USP13: variants seen among roughly 807,000 people sequenced by gnomAD.
USP13 encodes ubiquitin specific peptidase 13, also known as ubiquitin carboxyl-terminal hydrolase 13.
In USP13, 68 loss-of-function variants were observed where a neutral mutation model predicts 107.8. The ratio of observed to expected loss-of-function variants is 0.63; its 90% CI spans 0.52 to 0.77. The LOEUF is 0.77. Ranked by LOEUF, USP13 falls within the 30% of genes least tolerant of loss-of-function variation. The probability of loss-of-function intolerance (pLI) is 0.00; values close to 1 mark genes in which losing one functional copy is unlikely to be tolerated. For synonymous variants in USP13, 377 were observed against 389.5 expected (o/e 0.97, Z 0.38); for missense variants, 945 against 1,093.3 (o/e 0.86, Z 1.91).
chr3:179,695,760 T>C (rs962032792), intron 3 of USP13, among the ~76,000 whole-genome samples: 4 of 152,172 alleles, frequency 2.6e-5, no homozygotes, highest in Non-Finnish European at 5.9e-5. Flanking sequence ...AAATTTTCTG[T>C]GTGTACATCT....
chr3:179,723,443 T>C lies in USP13; in HGVS notation c.1088+1854T>C, dbSNP rs1277195283. Among the ~76,000 whole-genome samples, 7 of 151,986 alleles carry C rather than the reference T, an allele frequency of 4.6e-5. No individual in the cohort carries two copies. In the East Asian group the frequency reaches 1.4e-3, roughly 29 times the overall value. ...GCAGGAGATACAGGCATTAAGAAAA[T>C]AATCATAGTAACAACTGCATGCTTA... On this transcript the variant is annotated intron_variant, in intron 8 of 20. Transcript: ENST00000263966.
At chr3:179,695,633 T>C (rs1006617502) in intron 3 of USP13, among the ~76,000 whole-genome samples, 16 of 152,196 alleles carry the variant, frequency 1.1e-4, no homozygotes, top group African/African-American at 3.6e-4. Context: ...TTTTTCAATA[T>C]GTACCTCATG....
In USP13 at chr3:179,750,065, G is replaced by T. The variant is rs546016822; in HGVS notation, c.1710-2220G>T. Among the ~76,000 whole-genome samples, 357 of 152,038 alleles carry T rather than the reference G, an allele frequency of 2.3e-3. 3 individuals are homozygous for T. The highest frequency in any genetic ancestry group is 0.02 in the Middle Eastern group (6 of 294). On this transcript the variant is annotated intron_variant, in intron 13 of 20. Coordinates refer to ENST00000263966, the MANE Select transcript of USP13 (RefSeq NM_003940.3). ...GGATCACCTGAGGTTAGGAGTTTGAGACCAGCCTGGCCAACATGGTGAAAC... is the reference window on the plus strand; with the variant it reads ...GGATCACCTGAGGTTAGGAGTTTGATACCAGCCTGGCCAACATGGTGAAAC...
At chr3:179,750,326 GTATA>G (rs569602060) in intron 13 of USP13, among the ~76,000 whole-genome samples, 40 of 75,808 alleles carry the variant, frequency 5.3e-4, no homozygotes, top group Non-Finnish European at 8.7e-4. Flanking sequence ...ATATATGTGT[GTATA>G]TATATATATA....
At chr3:179,672,993 G>A (rs761469556) in intron 1 of USP13, among the ~76,000 whole-genome samples, 15 of 152,118 alleles carry the variant, frequency 9.9e-5, no homozygotes, top group Non-Finnish European at 1.9e-4. Context: ...TGCAGAGAAG[G>A]CAGCCACTTT....
chr3:179,728,788 G>C (rs13089033), intron 8 of USP13, among the ~76,000 whole-genome samples: 60,285 of 151,584 alleles, frequency 0.4, 14,567 homozygotes, highest in Non-Finnish European at 0.53. Context: ...GAGACCGGCC[G>C]GGCCAACACA....
intron 1 of USP13, among the ~76,000 whole-genome samples, chr3:179,656,149 A>G (rs1323112915): frequency 2.6e-5 from 4 of 152,260 alleles, no homozygotes; most frequent in Non-Finnish European, 4.4e-5. Flanking sequence ...GGGAAATTAT[A>G]TGTGCAAAGA....
chr3:179,689,764 A>G (rs904485978), intron 2 of USP13, among the ~76,000 whole-genome samples: 1 of 152,196 alleles, frequency 6.6e-6, no homozygotes, highest in Admixed American at 6.5e-5. Flanking sequence ...GAGATTTCAC[A>G]TGACCAGACT....
At chr3:179,737,578 ACAGGTAGTAAAATTAATTGT>A (rs1384837490) in intron 10 of USP13, among the ~76,000 whole-genome samples, 2 of 152,250 alleles carry the variant, frequency 1.3e-5, no homozygotes, top group Non-Finnish European at 2.9e-5. Flanking sequence ...AGGTGTATAT[ACAGGTAGTAAAATTAATTGT>A]CAGGTAGTAA....
intron 6 of USP13, among the ~76,000 whole-genome samples, chr3:179,718,212 T>C (rs1410916091): frequency 1.3e-5 from 2 of 152,112 alleles, no homozygotes; most frequent in South Asian, 2.1e-4. Flanking sequence ...AGGGCTTAGG[T>C]TGGTTCTTCA....
Position 179,653,697 on chromosome 3 carries a change from C to CGAA in USP13, c.168+305_168+307dup. Reference sequence around the variant, plus strand: ...GATGAAATACAAGAGTTCCCTGTTCCGAACTGCACGTTGCAGATCGTTTGC... The same window carrying CGAA: ...GATGAAATACAAGAGTTCCCTGTTCCGAAGAACTGCACGTTGCAGATCGTTTGC... On this transcript the variant is annotated intron_variant, in intron 1 of 20. Coordinates refer to ENST00000263966, the MANE Select transcript of USP13 (RefSeq NM_003940.3). The surrounding 1 kb of genome is among the most constrained non-coding windows in gnomAD (Gnocchi z 4.0). The CGAA allele has an allele frequency of 3.1e-6, 1 of 323,944 alleles. No individual in the cohort carries two copies. Among genetic ancestry groups the CGAA allele is most frequent in the Non-Finnish European group, 5.8e-6 (1 of 173,440 alleles). The allele number at this position is 323,944 out of a possible 1,614,324, so 20.1% of individuals were successfully genotyped here.
At chr3:179,692,535 C>T (rs1290847684) in intron 3 of USP13, among the ~76,000 whole-genome samples, 2 of 152,134 alleles carry the variant, frequency 1.3e-5, no homozygotes, top group Non-Finnish European at 2.9e-5. Flanking sequence ...AGCATGAACC[C>T]CAAAGCTGAA....
At chr3:179,674,185 G>A (rs1325341434) in intron 1 of USP13, among the ~76,000 whole-genome samples, 2 of 152,140 alleles carry the variant, frequency 1.3e-5, no homozygotes, top group South Asian at 2.1e-4. Context: ...GAGCCACTGC[G>A]CCCGGCCTGT....
At chr3:179,685,587 G>A (rs1711839742) in intron 2 of USP13, among the ~76,000 whole-genome samples, 1 of 150,344 alleles carries the variant, frequency 6.7e-6, no homozygotes, top group Non-Finnish European at 1.5e-5. Flanking sequence ...TTCTTGTGAA[G>A]TCTGTTTTGT....
chr3:179,727,798 A>ACC lies in USP13; in HGVS notation c.1089-2382_1089-2381dup, dbSNP rs547029553. Among the ~76,000 whole-genome samples the ACC allele has an allele frequency of 3.1e-4, 10 of 32,678 alleles. 1 individual carries two copies. Among genetic ancestry groups the ACC allele is most frequent in the African/African-American group, 6.7e-4 (8 of 11,958 alleles). The allele number at this position is 32,678 out of a possible 152,430, so 21.4% of individuals were successfully genotyped here. On this transcript the variant is annotated intron_variant, in intron 8 of 20. Coordinates refer to ENST00000263966, the MANE Select transcript of USP13 (RefSeq NM_003940.3). ...GGGCGGCTGGCTGGGCAGGGGGCTG[A>ACC]CCCCCCCCCCACCTCCCTCCCGGAC...
intron 1 of USP13, among the ~76,000 whole-genome samples, chr3:179,655,772 C>T (rs902785207): frequency 1.3e-5 from 2 of 151,990 alleles, no homozygotes; most frequent in Admixed American, 6.6e-5. Context: ...AGGCTGCTCT[C>T]GAACTCCTGA....
At position 179,694,799 on chromosome 3, in the gene USP13, C is replaced by CAAAGAAAAA. The variant is rs1327789835; in HGVS notation, c.355+4501_355+4502insGAAAAAAAA. On this transcript the variant is annotated intron_variant, in intron 3 of 20. Coordinates refer to ENST00000263966, the MANE Select transcript of USP13 (RefSeq NM_003940.3). ...CTGGGCAAAGAGTGAAACTCCATCT[C>CAAAGAAAAA]AAAAAAAAAAAAAAAAAAAAAAAAG... 5.1e-4 allele frequency among the ~76,000 whole-genome samples: 42 copies of CAAAGAAAAA among 81,780 alleles called. 1 individual carries two copies. Among genetic ancestry groups the CAAAGAAAAA allele is most frequent in the Non-Finnish European group, 7.0e-4 (28 of 40,180 alleles). The allele number at this position is 81,780 out of a possible 152,430, so 53.7% of individuals were successfully genotyped here. A position where few individuals can be genotyped will look rare whatever the true frequency, so the allele number is the denominator to read the frequency against.
intron 8 of USP13, among the ~76,000 whole-genome samples, chr3:179,728,376 A>T (rs1435800608): frequency 1.4e-5 from 2 of 142,806 alleles, no homozygotes; most frequent in Non-Finnish European, 3.1e-5. Flanking sequence ...CCCACATCTC[A>T]GACGATGGGC....
rs1715930424 is a variant in USP13, at chr3:179,786,973, A to G, written c.*2832A>G. On this transcript the variant is annotated 3_prime_UTR_variant, in exon 21 of 21. Transcript: ENST00000263966. ...GTTTTTATTTTGCCAATTGATCTAA[A>G]TGCCCATATAACTAATCAGAAATCC... 1 of 152,238 alleles carries G rather than the reference A, an allele frequency of 6.6e-6. No individual in the cohort carries two copies. The highest frequency in any genetic ancestry group is 1.5e-5 in the Non-Finnish European group (1 of 68,040). The allele number at this position is 152,238 out of a possible 1,614,324, so 9.4% of individuals were successfully genotyped here.
Sources: gnomAD v4.1 joint callset for allele counts (sites outside exome capture counted in the v4.1 genomes callset) on GRCh38, gnomAD v4.1.1 for gene constraint, Gnocchi (gnomAD v3.1) non-coding constraint, MANE v1.5 for transcripts, NCBI Gene and HGNC (gene_info 2026-07-23, HGNC 2026-07-21) for gene names.